Variants in CADM2 observed in about 807,000 individuals in gnomAD.
CADM2 encodes cell adhesion molecule 2.
In CADM2, 12 loss-of-function variants were observed where a neutral mutation model predicts 49.8. That is an observed-to-expected ratio of 0.24 (90% CI 0.15 to 0.39). The LOEUF (loss-of-function observed/expected upper bound fraction) is 0.39, where lower values mean the gene tolerates loss of function less well. Among genes scored for constraint, CADM2 ranks in the 10% least tolerant of loss-of-function variants. CADM2 has a pLI of 1.00. For missense variants in CADM2, 378 were observed against 492.3 expected (o/e 0.77, Z 2.20); for synonymous variants, 214 against 175.4 (o/e 1.22, Z -1.74).
At chr3:85,894,108 C>A (rs1314633149) in intron 5 of CADM2, among the ~76,000 whole-genome samples, 1 of 152,138 alleles carries the variant, frequency 6.6e-6, no homozygotes, top group Admixed American at 6.5e-5. Context: ...AAATGTCCAA[C>A]AATGATAGAC....
intron 1 of CADM2, among the ~76,000 whole-genome samples, chr3:85,534,530 A>T (rs1668441636): frequency 6.6e-6 from 1 of 152,166 alleles, no homozygotes; most frequent in South Asian, 2.1e-4. Context: ...GAATTATTGC[A>T]ACACAGTCAC....
chr3:85,641,849 T>C (rs2064726469), intron 1 of CADM2, among the ~76,000 whole-genome samples: 1 of 151,524 alleles, frequency 6.6e-6, no homozygotes, highest in Non-Finnish European at 1.5e-5. Context: ...AAGAATGGCG[T>C]GAACCCAGGA....
At chr3:85,299,055 G>C (rs1045271691) in intron 1 of CADM2, among the ~76,000 whole-genome samples, 15 of 151,890 alleles carry the variant, frequency 9.9e-5, no homozygotes, top group Non-Finnish European at 1.9e-4. Context: ...TATTACTTTG[G>C]AGGACTATTT....
At chr3:85,215,088 C>T (rs949812527) in intron 1 of CADM2, among the ~76,000 whole-genome samples, 1 of 151,920 alleles carries the variant, frequency 6.6e-6, no homozygotes, top group African/African-American at 2.4e-5. Flanking sequence ...CCAGGACCAC[C>T]CTGGGTCTCA....
intron 1 of CADM2, among the ~76,000 whole-genome samples, chr3:85,056,711 C>T (rs2036092798): frequency 1.3e-5 from 2 of 152,010 alleles, no homozygotes; most frequent in African/African-American, 2.4e-5. Flanking sequence ...AGTGAAATGC[C>T]TTACACTAAG....
chr3:85,024,667 T>G (rs963710831), intron 1 of CADM2, among the ~76,000 whole-genome samples: 1 of 64,422 alleles, frequency 1.6e-5, no homozygotes, highest in African/African-American at 5.8e-5. Flanking sequence ...ATAGTTTTTC[T>G]TTTTTTTTTT....
intron 1 of CADM2, among the ~76,000 whole-genome samples, chr3:85,628,586 T>TATATACATATATATACATAC (rs2064199993): frequency 7.2e-6 from 1 of 138,756 alleles, no homozygotes; most frequent in Admixed American, 7.7e-5. Flanking sequence ...CACACACATA[T>TATATACATATATATACATAC]ATATACATAT....
chr3:85,052,210 C>T (rs1023644727), intron 1 of CADM2, among the ~76,000 whole-genome samples: 8 of 151,950 alleles, frequency 5.3e-5, no homozygotes, highest in African/African-American at 1.7e-4. Flanking sequence ...GCTATTTCCC[C>T]GATTGGATAA....
At chr3:85,125,143 A>G (rs1380082501) in intron 1 of CADM2, among the ~76,000 whole-genome samples, 1 of 152,190 alleles carries the variant, frequency 6.6e-6, no homozygotes, top group East Asian at 1.9e-4. Flanking sequence ...ACACATGTTA[A>G]GTAGAGGACT....
chr3:85,068,100 A>G (rs1329502861), intron 1 of CADM2, among the ~76,000 whole-genome samples: 3 of 152,208 alleles, frequency 2.0e-5, no homozygotes, highest in African/African-American at 7.2e-5. Flanking sequence ...ACTATTTTTA[A>G]CGCAGACTTT....
chr3:85,090,630 G>A (rs1370673523), intron 1 of CADM2, among the ~76,000 whole-genome samples: 1 of 152,156 alleles, frequency 6.6e-6, no homozygotes, highest in Non-Finnish European at 1.5e-5. Flanking sequence ...CTCTAGACCA[G>A]GGCTGTGGAC....
intron 1 of CADM2, among the ~76,000 whole-genome samples, chr3:85,400,178 A>G (rs1252964593): frequency 2.0e-5 from 3 of 152,122 alleles, no homozygotes; most frequent in Admixed American, 2.0e-4. Context: ...AGTTTTGTCA[A>G]AGGCCTTTTC....
chr3:85,145,647 A>G (rs894491575), intron 1 of CADM2, among the ~76,000 whole-genome samples: 2 of 152,134 alleles, frequency 1.3e-5, no homozygotes, highest in African/African-American at 2.4e-5. Context: ...TTGGCAGGCA[A>G]AAGAATCATC....
At chr3:85,432,201 G>A (rs984032800) in intron 1 of CADM2, among the ~76,000 whole-genome samples, 10 of 151,794 alleles carry the variant, frequency 6.6e-5, no homozygotes, top group South Asian at 2.1e-4. Context: ...GGTAATTGAC[G>A]TCAAATATAC....
intron 1 of CADM2, among the ~76,000 whole-genome samples, chr3:85,099,466 T>TG (rs1553682693): frequency 1.0e-4 from 11 of 108,802 alleles, no homozygotes; most frequent in African/African-American, 4.6e-4. Flanking sequence ...TAACATGAAT[T>TG]AAATTTTTTT....
intron 2 of CADM2, among the ~76,000 whole-genome samples, chr3:85,792,047 G>A (rs796176048): frequency 2.0e-5 from 3 of 152,234 alleles, no homozygotes; most frequent in Non-Finnish European, 2.9e-5. Context: ...TTTAAGAATT[G>A]TTAACTTATT....
chr3:85,793,099 C>A (rs1429593956), intron 2 of CADM2, among the ~76,000 whole-genome samples: 1 of 151,934 alleles, frequency 6.6e-6, no homozygotes, highest in Non-Finnish European at 1.5e-5. Context: ...AAGGTTTGAC[C>A]ATTCTTTCTC....
chr3:84,984,356 T>TAAAAAAAAAAAAAA lies in CADM2; in HGVS notation c.61+24704_61+24717dup, dbSNP rs375702349. On this transcript the variant is annotated intron_variant, in intron 1 of 9. Coordinates refer to ENST00000383699, the MANE Select transcript of CADM2 (RefSeq NM_001167675.2). ...CCTCATAGCCACCTCAAGATTAAGCTAAAAAAAAAAAAAAAAAAAAAAAAA... is the reference window on the plus strand; with the variant it reads ...CCTCATAGCCACCTCAAGATTAAGCTAAAAAAAAAAAAAAAAAAAAAAAAAAAAAAAAAAAAAAA... Among the ~76,000 whole-genome samples, 18 of 67,060 alleles carry TAAAAAAAAAAAAAA rather than the reference T, an allele frequency of 2.7e-4. 2 individuals are homozygous for TAAAAAAAAAAAAAA. The highest frequency in any genetic ancestry group is 1.3e-3 in the African/African-American group (17 of 13,330). 44.0% of individuals were successfully genotyped at this position (67,060 alleles called of 152,430 possible). A position where few individuals can be genotyped will look rare whatever the true frequency, so the allele number is the denominator to read the frequency against.
chr3:86,023,935 G>C (rs562472196), intron 8 of CADM2, among the ~76,000 whole-genome samples: 44 of 152,110 alleles, frequency 2.9e-4, no homozygotes, highest in Non-Finnish European at 5.3e-4. Context: ...ACTGAATCTT[G>C]AATTACTGGA....
Sources: allele counts gnomAD v4.1 joint callset (sites outside exome capture counted in the v4.1 genomes callset), GRCh38; gene constraint gnomAD v4.1.1; transcripts MANE v1.5; gene names NCBI Gene and HGNC (gene_info 2026-07-23, HGNC 2026-07-21).